Variants in TRIM7 observed in about 807,000 individuals in gnomAD.
TRIM7 encodes E3 ubiquitin-protein ligase TRIM7.
A neutral mutation model predicts 37.9 loss-of-function variants in TRIM7; 32 were observed. The ratio of observed to expected loss-of-function variants is 0.84; its 90% CI spans 0.64 to 1.13. The LOEUF is 1.13. Ranked by LOEUF, TRIM7 falls within the 50% of genes most tolerant of loss-of-function variation. The probability of loss-of-function intolerance (pLI) is 0.00; values close to 1 mark genes in which losing one functional copy is unlikely to be tolerated. For missense variants in TRIM7, 732 were observed against 714.0 expected (o/e 1.03, Z -0.29); for synonymous variants, 351 against 321.3 (o/e 1.09, Z -0.99).
chr5:181,194,914 C>T lies in TRIM7; in HGVS notation c.*252G>A. ...GGGCTCCTGACCTCACCGGCCTCCA[C>T]CTCCTGAAGGCTCTGGCCAAATCCA... is the stretch of plus-strand genomic sequence containing the variant. On this transcript the variant is annotated 3_prime_UTR_variant, in exon 7 of 7. Coordinates refer to ENST00000274773, the MANE Select transcript of TRIM7 (RefSeq NM_203293.3). 2.2e-6 allele frequency: 1 copy of T among 453,622 alleles called. No individual in the cohort carries two copies. Among genetic ancestry groups the T allele is most frequent in the Non-Finnish European group, 3.9e-6 (1 of 258,222 alleles). The allele number at this position is 453,622 out of a possible 1,614,324, so 28.1% of individuals were successfully genotyped here.
chr5:181,203,874 G>A, intron 1 of TRIM7: 1 of 1,303,010 alleles, frequency 7.7e-7, no homozygotes, highest in Non-Finnish European at 9.8e-7. Flanking sequence ...ACAAGCTCCG[G>A]CAGCCCTACC....
At chr5:181,200,692 G>A in intron 2 of TRIM7, 1 of 992,634 alleles carries the variant, frequency 1.0e-6, no homozygotes, top group African/African-American at 1.7e-5. Flanking sequence ...GTCATATTCT[G>A]TTCTTTCCAT....
chr5:181,200,233 T>C, intron 2 of TRIM7, 152 bp from the exon 3 acceptor site: 2 of 1,524,222 alleles, frequency 1.3e-6, no homozygotes, highest in Non-Finnish European at 1.8e-6. Flanking sequence ...CGTGCTCTAT[T>C]GTCAGTGTCC....
At position 181,205,068 on chromosome 5, in the gene TRIM7, C is replaced by T. The variant is rs769328135; in HGVS notation, c.43G>A (p.Glu15Lys). Reference sequence around the variant, plus strand: ...AGCTCTGCCGCCAGCGCTAGAGCCTCGGCGCCGGTTCCGGGGCCGGTCCGC... The same window carrying T: ...AGCTCTGCCGCCAGCGCTAGAGCCTTGGCGCCGGTTCCGGGGCCGGTCCGC... ...GPRTGPGTGA[E>K]ALALAAELQG... Residue 15 changes from glutamate to lysine, a missense_variant, in exon 1 of 7, where the codon GAG becomes AAG. Coordinates refer to ENST00000274773, the MANE Select transcript of TRIM7 (RefSeq NM_203293.3). 2 of 1,377,428 alleles carry T rather than the reference C, an allele frequency of 1.5e-6. No individual in the cohort carries two copies. The highest frequency in any genetic ancestry group is 1.6e-5 in the South Asian group (1 of 62,110). 85.3% of individuals were successfully genotyped at this position (1,377,428 alleles called of 1,614,324 possible).
intron 2 of TRIM7, 22 bp from the exon 3 acceptor site, chr5:181,200,103 G>A (rs1360625391): frequency 1.2e-6 from 2 of 1,614,158 alleles, no homozygotes; most frequent in Admixed American, 1.7e-5. Flanking sequence ...GGAGAAGTTG[G>A]AGAGGGACTT....
intron 2 of TRIM7, 175 bp from the exon 3 acceptor site, chr5:181,200,256 A>T (rs1218639690): frequency 6.7e-7 from 1 of 1,481,780 alleles, no homozygotes. Flanking sequence ...GCTCTGAACA[A>T]GCTGTAGTCT....
Position 181,205,050 on chromosome 5 carries a change from CCGCCAG to C in TRIM7, c.55_60del (p.Leu19_Ala20del). On this transcript the variant is annotated inframe_deletion, in exon 1 of 7. Transcript: ENST00000274773. ...CACGTCGCCTCGCCCTGCAGCTCTG[CCGCCAG>C]CGCTAGAGCCTCGGCGCCGGTTCCG... 7.1e-7 allele frequency: 1 copy of C among 1,409,964 alleles called. No individual in the cohort carries two copies. Among genetic ancestry groups the C allele is most frequent in the Non-Finnish European group, 9.2e-7 (1 of 1,088,456 alleles). The allele number at this position is 1,409,964 out of a possible 1,614,324, so 87.3% of individuals were successfully genotyped here. A position where few individuals can be genotyped will look rare whatever the true frequency, so the allele number is the denominator to read the frequency against.
chr5:181,194,876 C>G lies in TRIM7; in HGVS notation c.*290G>C. ...CACCCTTCCCAGTCAGGGCAGAAGC[C>G]CCCTGGAGAGCTGGGCTCCTGACCT... is the stretch of plus-strand genomic sequence containing the variant. On this transcript the variant is annotated 3_prime_UTR_variant, in exon 7 of 7. Coordinates refer to ENST00000274773, the MANE Select transcript of TRIM7 (RefSeq NM_203293.3). 2.7e-6 allele frequency: 1 copy of G among 368,552 alleles called. No homozygotes were observed. The highest frequency in any genetic ancestry group is 6.7e-5 in the South Asian group (1 of 14,918). The allele number at this position is 368,552 out of a possible 1,614,324, so 22.8% of individuals were successfully genotyped here.
Position 181,199,932 on chromosome 5 carries a change from G to C in TRIM7, c.768C>G (p.Leu256=), listed in dbSNP as rs778690711. The change falls in exon 3 of 7, where the codon CTC becomes CTG. Residue 256 remains leucine, a synonymous_variant. Coordinates refer to ENST00000274773, the MANE Select transcript of TRIM7 (RefSeq NM_203293.3). Reference sequence around the variant, plus strand: ...TGGACAGCTGGGTGATCTCAACCCCGAGCTGGGCCAGGTTCTCATTCTGCT... The same window carrying C: ...TGGACAGCTGGGTGATCTCAACCCCCAGCTGGGCCAGGTTCTCATTCTGCT... ...AQKQNENLAQ[L]GVEITQLSKL... 6.2e-7 allele frequency: 1 copy of C among 1,614,240 alleles called. No individual in the cohort carries two copies. The highest frequency in any genetic ancestry group is 1.1e-5 in the South Asian group (1 of 91,086).
Position 181,198,240 on chromosome 5 carries a change from AGGCGTGCATGAGCGACAC to A in TRIM7, c.989-40_989-23del, listed in dbSNP as rs775461919. On this transcript the variant is annotated intron_variant, in intron 5 of 6. Transcript: ENST00000274773. ...TCCTCTGAGGAGGAGAAACAAAGCA[AGGCGTGCATGAGCGACAC>A]GGGAGATTATATGGCAAGGTCACCA... 1.9e-6 allele frequency: 3 copies of A among 1,613,818 alleles called. No homozygotes were observed. The African/African-American group carries it at 4.0e-5, about 22-fold the overall frequency.
chr5:181,198,372 C>CG lies in TRIM7; in HGVS notation c.989-155dup, dbSNP rs1757266063. On this transcript the variant is annotated intron_variant, in intron 5 of 6. Transcript: ENST00000274773. Reference sequence around the variant, plus strand: ...CAGGCACAGGGCCAAGCATGGGGAGCGGGGGGCAGGGGGCCCATACCCAAG... The same window carrying CG: ...CAGGCACAGGGCCAAGCATGGGGAGCGGGGGGGCAGGGGGCCCATACCCAAG... 3 of 820,984 alleles carry CG rather than the reference C, an allele frequency of 3.7e-6. 1 individual carries two copies. Among genetic ancestry groups the CG allele is most frequent in the South Asian group, 3.2e-5 (2 of 62,654 alleles). 50.9% of individuals were successfully genotyped at this position (820,984 alleles called of 1,614,324 possible).
intron 2 of TRIM7, chr5:181,200,994 G>T: frequency 1.2e-6 from 1 of 844,276 alleles, no homozygotes; most frequent in Non-Finnish European, 1.4e-6. Context: ...TGGGGAGGGT[G>T]CACTTCCCTT....
intron 2 of TRIM7, 36 bp from the exon 3 acceptor site, chr5:181,200,117 C>A (rs999840662): frequency 7.4e-6 from 12 of 1,614,160 alleles, no homozygotes; most frequent in Admixed American, 5.0e-5. Context: ...GGGACTTGAA[C>A]ATGGAGACAT....
In TRIM7 at chr5:181,199,835, G is replaced by A. The variant is rs777159857; in HGVS notation, c.849+16C>T. On this transcript the variant is annotated intron_variant, in intron 3 of 6. Coordinates refer to ENST00000274773, the MANE Select transcript of TRIM7 (RefSeq NM_203293.3). ...TTAGGATAAATGACTCGAGCCCCTG[G>A]CTGAGCCAGACTTACCTGGAGAAAG... 1.2e-6 allele frequency: 2 copies of A among 1,608,186 alleles called. No homozygotes were observed. Among genetic ancestry groups the A allele is most frequent in the East Asian group, 2.2e-5 (1 of 44,794 alleles).
rs767126371 is a variant in TRIM7 at position 181,198,233 on chromosome 5, C to G, written c.989-15G>C. ...CCGAAGGTCCTCTGAGGAGGAGAAA[C>G]AAAGCAAGGCGTGCATGAGCGACAC... On this transcript the variant is annotated splice_polypyrimidine_tract_variant and intron_variant, in intron 5 of 6. Coordinates refer to ENST00000274773, the MANE Select transcript of TRIM7 (RefSeq NM_203293.3). 3.1e-6 allele frequency: 5 copies of G among 1,614,044 alleles called. No individual in the cohort carries two copies. The highest frequency in any genetic ancestry group is 4.2e-6 in the Non-Finnish European group (5 of 1,179,948).
chr5:181,200,474 A>G, intron 2 of TRIM7: 1 of 1,138,158 alleles, frequency 8.8e-7, no homozygotes, highest in Non-Finnish European at 1.1e-6. Context: ...CCTCAAGCAC[A>G]TTTATTTCAT....
rs774595436 is a variant in TRIM7, at chr5:181,195,608, C to T, written c.1094G>A (p.Arg365His). ...LILSLDLKGV[R>H]LGERAQDLPN... Reference sequence around the variant, plus strand: ...CAGGTCCTGGGCCCGCTCGCCGAGGCGCACGCCCTTAAGATCCAGAGAGAG... The same window carrying T: ...CAGGTCCTGGGCCCGCTCGCCGAGGTGCACGCCCTTAAGATCCAGAGAGAG... The change falls in exon 7 of 7, where the codon CGC (arginine) becomes CAC (histidine). Residue 365 changes from arginine to histidine, a missense_variant. Transcript: ENST00000274773. 9 of 1,583,106 alleles carry T rather than the reference C, an allele frequency of 5.7e-6. No individual in the cohort carries two copies. The highest frequency in any genetic ancestry group is 6.9e-6 in the Non-Finnish European group (8 of 1,161,580).
At chr5:181,203,522 G>A in intron 2 of TRIM7, 23 bp downstream of exon 2, 7 of 1,613,848 alleles carry the variant, frequency 4.3e-6, no homozygotes, top group Non-Finnish European at 5.9e-6. Flanking sequence ...GTCCCACGGG[G>A]GGCCTGCGGG....
chr5:181,197,857 C>T, intron 6 of TRIM7: 1 of 415,662 alleles, frequency 2.4e-6, no homozygotes, highest in Admixed American at 3.7e-5. Context: ...CACCCCATTC[C>T]CAGGAGAGGT....
Sources: gnomAD v4.1 joint callset for allele counts on GRCh38, gnomAD v4.1.1 for gene constraint, MANE v1.5 for transcripts, NCBI Gene and HGNC (gene_info 2026-07-23, HGNC 2026-07-21) for gene names.